The following SOAT1 variants were observed in gnomAD, a reference collection of about 807,000 sequenced individuals.
The protein encoded by SOAT1 is acyl-coenzyme A:cholesterol acyltransferase 1.
Under a neutral mutation model 69.5 loss-of-function variants are expected in SOAT1, and 55 were observed. That is an observed-to-expected ratio of 0.79 (90% CI 0.64 to 0.99). The LOEUF is 0.99. Ranked by LOEUF, SOAT1 falls within the 50% of genes least tolerant of loss-of-function variation. The pLI, the probability that SOAT1 is intolerant of heterozygous loss-of-function variation, is 0.00. For missense variants in SOAT1, 580 were observed against 669.3 expected (o/e 0.87, Z 1.47); for synonymous variants, 231 against 224.7 (o/e 1.03, Z -0.25).
Position 179,312,636 on chromosome 1 carries a change from G to C in SOAT1, c.118+9834G>C, listed in dbSNP as rs535763224. Among the ~76,000 whole-genome samples, 10 of 152,252 alleles carry C rather than the reference G, an allele frequency of 6.6e-5. No individual in the cohort carries two copies. In the East Asian group the frequency reaches 1.7e-3, roughly 26 times the overall value. ...AGTCTCCAGTGCCCTGTGTGTTTCT[G>C]GTAGGCTTGGCCAGTGGGAGAACTT... On this transcript the variant is annotated intron_variant, in intron 2 of 15. Transcript: ENST00000367619.
chr1:179,342,776 GTTCTGTGC>G, intron 8 of SOAT1, 78 bp from the exon 9 acceptor site: 6 of 925,560 alleles, frequency 6.5e-6, no homozygotes, highest in Non-Finnish European at 1.1e-5. Flanking sequence ...ATTCTTCCCT[GTTCTGTGC>G]TTCCTTATAT....
chr1:179,347,599 G>A lies in SOAT1; in HGVS notation c.1118-1G>A. ...GTTAATATTGTTAATCTTATTTTTA[G>A]GTGTGCTGATTCTCTTCCTTACTTT... On this transcript the variant is annotated splice_acceptor_variant, in intron 11 of 15. Transcript: ENST00000367619. LOFTEE classifies it high-confidence loss of function. 4 of 1,586,410 alleles carry A rather than the reference G, an allele frequency of 2.5e-6. No individual in the cohort carries two copies. Among genetic ancestry groups the A allele is most frequent in the Non-Finnish European group, 8.6e-7 (1 of 1,156,192 alleles).
chr1:179,327,069 A>G (rs1186851462), intron 3 of SOAT1, among the ~76,000 whole-genome samples: 1 of 152,216 alleles, frequency 6.6e-6, no homozygotes, highest in Non-Finnish European at 1.5e-5. Flanking sequence ...TAGGTGCTTT[A>G]TATACACAAT....
intron 2 of SOAT1, among the ~76,000 whole-genome samples, chr1:179,320,752 T>G (rs1394764654): frequency 6.6e-6 from 1 of 152,200 alleles, no homozygotes; most frequent in Non-Finnish European, 1.5e-5. Context: ...ATTTATTTTT[T>G]TGAGACAGAG....
At chr1:179,347,784 A>T in intron 12 of SOAT1, 87 bp downstream of exon 12, 1 of 742,286 alleles carries the variant, frequency 1.3e-6, no homozygotes, top group Non-Finnish European at 2.2e-6. Flanking sequence ...TAATGTCACC[A>T]GCCTTTCACA....
chr1:179,310,509 A>G (rs997874497), intron 2 of SOAT1, among the ~76,000 whole-genome samples: 6 of 152,130 alleles, frequency 3.9e-5, no homozygotes, highest in Non-Finnish European at 7.4e-5. Context: ...AGAACTTTGT[A>G]AAGTTTTTGT....
intron 2 of SOAT1, among the ~76,000 whole-genome samples, chr1:179,315,265 C>T (rs940306390): frequency 4.6e-5 from 7 of 152,026 alleles, no homozygotes; most frequent in Non-Finnish European, 1.0e-4. Flanking sequence ...GGCAACATAG[C>T]GAGGCTCTGC....
chr1:179,338,943 A>G (rs1260998641), intron 5 of SOAT1, among the ~76,000 whole-genome samples: 1 of 152,174 alleles, frequency 6.6e-6, no homozygotes, highest in East Asian at 1.9e-4. Flanking sequence ...GTCAGATATA[A>G]AAGATTATTT....
intron 2 of SOAT1, among the ~76,000 whole-genome samples, chr1:179,319,644 T>C (rs755614452): frequency 1.6e-4 from 25 of 152,310 alleles, no homozygotes; most frequent in Middle Eastern, 6.8e-3. Context: ...TTTGAGACAG[T>C]CTTGCTCTGT....
At chr1:179,297,759 C>T (rs989017880) in intron 1 of SOAT1, among the ~76,000 whole-genome samples, 5 of 148,302 alleles carry the variant, frequency 3.4e-5, no homozygotes, top group Admixed American at 6.7e-5. Flanking sequence ...ATGCCGGGCG[C>T]GGTGGCTCAC....
chr1:179,328,639 T>C (rs1242028614), intron 3 of SOAT1, among the ~76,000 whole-genome samples: 1 of 152,190 alleles, frequency 6.6e-6, no homozygotes, highest in Non-Finnish European at 1.5e-5. Context: ...TCTTTACTAA[T>C]TGGTATTTGT....
chr1:179,299,795 C>T (rs2124931126), intron 1 of SOAT1, among the ~76,000 whole-genome samples: 1 of 110,544 alleles, frequency 9.0e-6, no homozygotes, highest in East Asian at 2.7e-4. Context: ...GCTCTGTTGC[C>T]CAGGCTGGAG....
chr1:179,339,449 A>C lies in SOAT1; in HGVS notation c.401A>C (p.Glu134Ala), dbSNP rs1666257853. The change falls in exon 6 of 16, where the codon GAA becomes GCA. Residue 134 changes from glutamate (E) to alanine (A), a missense_variant. Physicochemically the swap from Glu to Ala is moderately radical, Grantham distance 107. Coordinates refer to ENST00000367619, the MANE Select transcript of SOAT1 (RefSeq NM_003101.6). Reference protein sequence around the residue: ...ARRSLLDELLEVDHIRTIYHM... With the variant: ...ARRSLLDELLAVDHIRTIYHM... ...AACTACATTTACAGTGAACTGCTTG[A>C]AGTGGACCACATCAGAACAATATAT... is the stretch of plus-strand genomic sequence containing the variant. 6.2e-7 allele frequency: 1 copy of C among 1,605,616 alleles called. No individual in the cohort carries two copies. The highest frequency in any genetic ancestry group is 8.5e-7 in the Non-Finnish European group (1 of 1,176,614).
intron 3 of SOAT1, among the ~76,000 whole-genome samples, chr1:179,332,716 G>C (rs1223468986): frequency 1.3e-5 from 2 of 152,092 alleles, no homozygotes; most frequent in Admixed American, 1.3e-4. Context: ...ACTGATACCA[G>C]ACATTATTCA....
At chr1:179,295,594 G>A (rs1416691849) in intron 1 of SOAT1, among the ~76,000 whole-genome samples, 1 of 152,168 alleles carries the variant, frequency 6.6e-6, no homozygotes, top group East Asian at 1.9e-4. Flanking sequence ...CCACTTAACT[G>A]CTTTCTGTAG....
chr1:179,310,423 T>C (rs114183266), intron 2 of SOAT1, among the ~76,000 whole-genome samples: 1,938 of 152,330 alleles, frequency 0.013, 58 homozygotes, highest in African/African-American at 0.043. Flanking sequence ...TCTCTGTTTC[T>C]GTATGAACAT....
intron 13 of SOAT1, 117 bp from the exon 14 acceptor site, chr1:179,350,179 T>G (rs756894636): frequency 7.9e-6 from 6 of 760,066 alleles, no homozygotes; most frequent in Non-Finnish European, 1.3e-5. Context: ...GGAGTAGACT[T>G]AGAAAATTAA....
chr1:179,304,305 T>G (rs1228829409), intron 2 of SOAT1, among the ~76,000 whole-genome samples: 5 of 151,310 alleles, frequency 3.3e-5, no homozygotes, highest in Non-Finnish European at 7.4e-5. Context: ...TTGAGACAGT[T>G]TTGCTTTTGT....
chr1:179,304,478 A>G (rs774187224), intron 2 of SOAT1, among the ~76,000 whole-genome samples: 5 of 151,644 alleles, frequency 3.3e-5, no homozygotes, highest in Middle Eastern at 3.2e-3. Flanking sequence ...GGATTTTACT[A>G]TGTTGGTCAG....
Sources: allele counts gnomAD v4.1 joint callset (sites outside exome capture counted in the v4.1 genomes callset), GRCh38; gene constraint gnomAD v4.1.1; transcripts MANE v1.5; gene names NCBI Gene and HGNC (gene_info 2026-07-23, HGNC 2026-07-21).